ATP11A: variants seen among roughly 807,000 people sequenced by gnomAD.
ATP11A encodes ATPase phospholipid transporting 11A, also known as phospholipid-transporting ATPase IH.
In ATP11A, 81 loss-of-function variants were observed where a neutral mutation model predicts 154.4. The ratio of observed to expected loss-of-function variants is 0.52; its 90% CI spans 0.44 to 0.63. The LOEUF (loss-of-function observed/expected upper bound fraction) is 0.63. ATP11A is among the 30% of genes least tolerant of loss of function. ATP11A has a pLI of 0.00. For missense variants in ATP11A, 1,316 were observed against 1,474.3 expected (o/e 0.89, Z 1.76); for synonymous variants, 623 against 585.9 (o/e 1.06, Z -0.91).
chr13:112,837,514 C>T (rs1036440011), intron 16 of ATP11A, among the ~76,000 whole-genome samples: 2 of 152,236 alleles, frequency 1.3e-5, no homozygotes, highest in Non-Finnish European at 2.9e-5. Flanking sequence ...CCGCCGAGTG[C>T]TCCCAAATCC....
chr13:112,692,358 C>G (rs1182457001), intron 1 of ATP11A, among the ~76,000 whole-genome samples: 1 of 152,174 alleles, frequency 6.6e-6, no homozygotes, highest in Non-Finnish European at 1.5e-5. Context: ...GATGGGCCAG[C>G]CCGGCTCACC....
intron 29 of ATP11A, 102 bp downstream of exon 29, chr13:112,878,405 C>T (rs1173750260): frequency 2.3e-5 from 29 of 1,282,522 alleles, no homozygotes; most frequent in Non-Finnish European, 3.1e-5. Context: ...GACGCAGCGT[C>T]CACCAGGCGC....
At chr13:112,830,165 A>T (rs1594817210) in intron 12 of ATP11A, among the ~76,000 whole-genome samples, 1 of 152,166 alleles carries the variant, frequency 6.6e-6, no homozygotes, top group Non-Finnish European at 1.5e-5. Context: ...TTTATTGTTC[A>T]CTTTCATGGT....
At chr13:112,716,029 G>A (rs1009219224) in intron 1 of ATP11A, among the ~76,000 whole-genome samples, 2 of 152,280 alleles carry the variant, frequency 1.3e-5, no homozygotes, top group African/African-American at 4.8e-5. Context: ...GGCTCTGTGG[G>A]GGCCTGGGGG....
chr13:112,833,121 C>T (rs2079142766), intron 14 of ATP11A, 98 bp downstream of exon 14: 1 of 1,456,260 alleles, frequency 6.9e-7, no homozygotes, highest in Non-Finnish European at 9.3e-7. Context: ...TCCTCAGCCC[C>T]ACCCTGTGCC....
At chr13:112,748,979 G>A (rs959376471) in intron 1 of ATP11A, among the ~76,000 whole-genome samples, 1 of 152,236 alleles carries the variant, frequency 6.6e-6, no homozygotes, top group African/African-American at 2.4e-5. Context: ...AGCACACACA[G>A]AATGTTGCCA....
chr13:112,784,526 C>CTT (rs535110994), intron 1 of ATP11A, among the ~76,000 whole-genome samples: 36 of 140,824 alleles, frequency 2.6e-4, no homozygotes, highest in Non-Finnish European at 3.7e-4. Context: ...ACGTTCTGTT[C>CTT]TTTTTTTTTT....
chr13:112,701,055 A>G (rs1312682067), intron 1 of ATP11A, among the ~76,000 whole-genome samples: 1 of 152,138 alleles, frequency 6.6e-6, no homozygotes, highest in Admixed American at 6.5e-5. Context: ...CCCTTTCAGG[A>G]GGACGTTGGG....
chr13:112,713,154 T>C (rs1455633124), intron 1 of ATP11A, among the ~76,000 whole-genome samples: 1 of 152,160 alleles, frequency 6.6e-6, no homozygotes, highest in Non-Finnish European at 1.5e-5. Context: ...CCCAGCACTT[T>C]GGGAGGCTGA....
intron 18 of ATP11A, among the ~76,000 whole-genome samples, chr13:112,852,702 TG>T: frequency 6.9e-6 from 1 of 144,468 alleles, no homozygotes; most frequent in Non-Finnish European, 1.5e-5. Flanking sequence ...GCAGAGCAGA[TG>T]GGACAGAGCC....
intron 17 of ATP11A, among the ~76,000 whole-genome samples, chr13:112,843,994 C>T (rs1450837233): frequency 6.6e-6 from 1 of 152,198 alleles, no homozygotes; most frequent in Non-Finnish European, 1.5e-5. Context: ...GGGTGGGAGC[C>T]GAGCGGGTTC....
intron 9 of ATP11A, among the ~76,000 whole-genome samples, 160 bp from the exon 10 acceptor site, chr13:112,824,184 A>G (rs2078872995): frequency 6.6e-6 from 1 of 152,208 alleles, no homozygotes; most frequent in African/African-American, 2.4e-5. Flanking sequence ...ATCCTAAGGA[A>G]TCAAGTGCTA....
intron 1 of ATP11A, among the ~76,000 whole-genome samples, chr13:112,723,098 G>A (rs183104429): frequency 2.0e-5 from 3 of 152,070 alleles, no homozygotes; most frequent in Admixed American, 1.3e-4. Context: ...CAGGTCTGAC[G>A]CCCGCAGGCG....
intron 1 of ATP11A, among the ~76,000 whole-genome samples, chr13:112,714,849 G>A (rs1240971647): frequency 6.6e-6 from 1 of 152,148 alleles, no homozygotes; most frequent in Non-Finnish European, 1.5e-5. Flanking sequence ...GCTTTAGCAC[G>A]TTCACCTTGT....
At chr13:112,752,697 G>GAA (rs1566427466) in intron 1 of ATP11A, among the ~76,000 whole-genome samples, 1 of 152,230 alleles carries the variant, frequency 6.6e-6, no homozygotes, top group African/African-American at 2.4e-5. Context: ...CTACAACACA[G>GAA]AATACCGTAA....
chr13:112,777,496 G>A (rs1444825440), intron 1 of ATP11A, among the ~76,000 whole-genome samples: 1 of 152,172 alleles, frequency 6.6e-6, no homozygotes, highest in Non-Finnish European at 1.5e-5. Context: ...CCCGGGAGGC[G>A]AAGGTTGCAG....
intron 1 of ATP11A, among the ~76,000 whole-genome samples, chr13:112,779,172 T>A (rs2077431643): frequency 1.0e-5 from 1 of 98,956 alleles, no homozygotes. Flanking sequence ...GCCACTGGAG[T>A]ACGAGTAGCC....
At chr13:112,866,852 A>G (rs1014510344) in intron 25 of ATP11A, among the ~76,000 whole-genome samples, 5 of 151,894 alleles carry the variant, frequency 3.3e-5, no homozygotes, top group South Asian at 2.1e-4. Context: ...TACCAGGTCT[A>G]TCTTGAGAAC....
chr13:112,724,203 C>T (rs1324675050), intron 1 of ATP11A, among the ~76,000 whole-genome samples: 10 of 148,300 alleles, frequency 6.7e-5, no homozygotes, highest in Admixed American at 6.1e-4. Context: ...TCGGCACCAT[C>T]GCCCCATTCC....
Sources: gnomAD v4.1 joint callset for allele counts (sites outside exome capture counted in the v4.1 genomes callset) on GRCh38, gnomAD v4.1.1 for gene constraint, MANE v1.5 for transcripts, NCBI Gene and HGNC (gene_info 2026-07-23, HGNC 2026-07-21) for gene names.